Variants in CMIP observed in about 807,000 individuals in gnomAD.
CMIP encodes C-Maf-inducing protein.
In CMIP, 13 loss-of-function variants were observed where a neutral mutation model predicts 97.3. That is an observed-to-expected ratio of 0.13 (90% CI 0.09 to 0.21). The LOEUF (loss-of-function observed/expected upper bound fraction) is 0.21. CMIP is among the 10% of genes least tolerant of loss of function. CMIP has a pLI of 1.00. For synonymous variants in CMIP, 538 were observed against 436.3 expected, an observed-to-expected ratio of 1.23 and a Z score of -2.91; for missense variants, 847 against 1,024.9, an observed-to-expected ratio of 0.83 and a Z score of 2.37.
intron 1 of CMIP, among the ~76,000 whole-genome samples, chr16:81,568,158 T>G (rs1016900224): frequency 6.6e-6 from 1 of 151,684 alleles, no homozygotes; most frequent in Non-Finnish European, 1.5e-5. Context: ...GCACCTTTGA[T>G]GGGAGAATCC....
rs78782447 is a variant in CMIP, at chr16:81,647,108, C to T, written c.478-5095C>T. Among the ~76,000 whole-genome samples, 582 of 152,346 alleles carry T rather than the reference C, an allele frequency of 3.8e-3. 6 individuals carry two copies. The highest frequency in any genetic ancestry group is 0.013 in the African/African-American group (560 of 41,582). On this transcript the variant is annotated intron_variant, in intron 3 of 20. Transcript: ENST00000537098. ...GATTCCCAGTTTCTCCACACCTTTG[C>T]CAACACTTGGCGTTGTCTGTCATTT... is the stretch of plus-strand genomic sequence containing the variant.
intron 1 of CMIP, among the ~76,000 whole-genome samples, chr16:81,524,176 G>A (rs1056160670): frequency 1.3e-5 from 2 of 152,198 alleles, no homozygotes; most frequent in Non-Finnish European, 2.9e-5. Context: ...GTAATGCCAC[G>A]ATCCATTGCT....
In CMIP at chr16:81,621,951, G is replaced by C. The variant is rs1236843274; in HGVS notation, c.477+1025G>C. ...TGGTCCTCTTGCTTTGTGCTGTGGG[G>C]CCAAGTCTCAGAAGCTGAGCTGAGT... On this transcript the variant is annotated intron_variant, in intron 3 of 20. Transcript: ENST00000537098. The surrounding 1 kb of genome is among the most constrained non-coding windows in gnomAD (Gnocchi z 4.1). The C allele has an allele frequency of 6.6e-6, 1 of 152,256 alleles. No individual in the cohort carries two copies. The highest frequency in any genetic ancestry group is 1.5e-5 in the Non-Finnish European group (1 of 68,078). 9.4% of individuals were successfully genotyped at this position (152,256 alleles called of 1,614,324 possible). A position where few individuals can be genotyped will look rare whatever the true frequency, so the allele number is the denominator to read the frequency against.
chr16:81,628,342 C>T (rs1353522307), intron 3 of CMIP, among the ~76,000 whole-genome samples: 4 of 152,202 alleles, frequency 2.6e-5, no homozygotes, highest in African/African-American at 9.7e-5. Flanking sequence ...CGTCATCCAG[C>T]CCAAGCCGAG....
At chr16:81,632,399 T>C (rs945498131) in intron 3 of CMIP, among the ~76,000 whole-genome samples, 2 of 152,210 alleles carry the variant, frequency 1.3e-5, no homozygotes, top group Non-Finnish European at 2.9e-5. Context: ...CCACGCAGAC[T>C]TTATCATCCA....
chr16:81,606,514 C>G (rs563180540), intron 1 of CMIP, among the ~76,000 whole-genome samples: 32 of 152,284 alleles, frequency 2.1e-4, no homozygotes, highest in African/African-American at 7.7e-4. Context: ...CAGCAAGACT[C>G]ACTCAGAGAG....
chr16:81,570,652 G>A (rs1477983655), intron 1 of CMIP, among the ~76,000 whole-genome samples: 2 of 152,124 alleles, frequency 1.3e-5, no homozygotes, highest in Admixed American at 6.5e-5. Flanking sequence ...GGGATGGCCT[G>A]AGGAAAGGCT....
At chr16:81,649,283 C>T (rs536483458) in intron 3 of CMIP, among the ~76,000 whole-genome samples, 2 of 152,366 alleles carry the variant, frequency 1.3e-5, no homozygotes, top group East Asian at 3.9e-4. Flanking sequence ...CTTGGGCCCT[C>T]CCGGGAAAGC....
At chr16:81,626,990 ATGTG>A (rs367561649) in intron 3 of CMIP, among the ~76,000 whole-genome samples, 1 of 133,230 alleles carries the variant, frequency 7.5e-6, no homozygotes, top group Non-Finnish European at 1.6e-5. Flanking sequence ...TATTTTATGA[ATGTG>A]TGTGTGTGTG....
intron 1 of CMIP, among the ~76,000 whole-genome samples, chr16:81,566,123 A>G (rs2090979579): frequency 6.6e-6 from 1 of 152,222 alleles, no homozygotes; most frequent in Non-Finnish European, 1.5e-5. Flanking sequence ...TCTGTCTCGG[A>G]CAGTCCAGGG....
intron 6 of CMIP, among the ~76,000 whole-genome samples, chr16:81,664,068 A>C (rs184689016): frequency 6.6e-6 from 1 of 152,040 alleles, no homozygotes; most frequent in African/African-American, 2.4e-5. Flanking sequence ...AAAGGTCTCT[A>C]CCTTCCTCTC....
chr16:81,702,135 A>T (rs1907487087), intron 16 of CMIP, among the ~76,000 whole-genome samples: 1 of 152,188 alleles, frequency 6.6e-6, no homozygotes, highest in Admixed American at 6.5e-5. Flanking sequence ...TTGTATGTCC[A>T]CATGCATATA....
intron 1 of CMIP, among the ~76,000 whole-genome samples, chr16:81,506,329 G>C (rs2089708623): frequency 6.6e-6 from 1 of 152,188 alleles, no homozygotes; most frequent in Non-Finnish European, 1.5e-5. Context: ...AGGGCCCCCA[G>C]AGAAGTTTTC....
At chr16:81,580,999 C>A (rs989649565) in intron 1 of CMIP, among the ~76,000 whole-genome samples, 1 of 152,166 alleles carries the variant, frequency 6.6e-6, no homozygotes, top group African/African-American at 2.4e-5. Context: ...CTCTTCTGGA[C>A]TTTTCATAGC....
At chr16:81,546,587 A>G (rs893789406) in intron 1 of CMIP, among the ~76,000 whole-genome samples, 5 of 152,230 alleles carry the variant, frequency 3.3e-5, no homozygotes, top group African/African-American at 1.2e-4. Flanking sequence ...GGTTACAGCA[A>G]TGAGCGAACA....
chr16:81,585,062 C>G (rs1292053914), intron 1 of CMIP, among the ~76,000 whole-genome samples: 1 of 152,210 alleles, frequency 6.6e-6, no homozygotes, highest in African/African-American at 2.4e-5. Context: ...TACAGTTCGG[C>G]CAGGCATGGT....
At chr16:81,577,173 T>A (rs1258379378) in intron 1 of CMIP, among the ~76,000 whole-genome samples, 1 of 143,928 alleles carries the variant, frequency 6.9e-6, no homozygotes, top group African/African-American at 2.8e-5. Flanking sequence ...TACATTATTA[T>A]CACTATCACC....
chr16:81,672,224 A>C (rs1336621115), intron 9 of CMIP, among the ~76,000 whole-genome samples, 154 bp downstream of exon 9: 2 of 152,254 alleles, frequency 1.3e-5, no homozygotes, highest in African/African-American at 4.8e-5. Context: ...TCCCCTGGGC[A>C]CATTGATTCA....
intron 1 of CMIP, among the ~76,000 whole-genome samples, chr16:81,496,909 C>T (rs986438206): frequency 6.6e-6 from 1 of 152,266 alleles, no homozygotes; most frequent in Non-Finnish European, 1.5e-5. Context: ...GCCCGGGACA[C>T]CCACCCACAG....
Sources: allele counts gnomAD v4.1 joint callset (sites outside exome capture counted in the v4.1 genomes callset), GRCh38; gene constraint gnomAD v4.1.1; non-coding constraint Gnocchi (gnomAD v3.1); transcripts MANE v1.5; gene names NCBI Gene and HGNC (gene_info 2026-07-23, HGNC 2026-07-21).